Variants in COL11A1 observed in about 807,000 individuals in gnomAD.
The protein encoded by COL11A1 is collagen type XI alpha 1 chain.
In COL11A1, 74 loss-of-function variants were observed where a neutral mutation model predicts 265.2. That is an observed-to-expected ratio of 0.28 (90% CI 0.23 to 0.34). The LOEUF is 0.34. COL11A1 is among the 10% of genes least tolerant of loss of function. The probability of loss-of-function intolerance (pLI) is 1.00; values close to 1 mark genes in which losing one functional copy is unlikely to be tolerated. For missense variants in COL11A1, 2,165 were observed against 2,263.6 expected, an observed-to-expected ratio of 0.96 and a Z score of 0.88; for synonymous variants, 816 against 727.6, an observed-to-expected ratio of 1.12 and a Z score of -1.96.
intron 36 of COL11A1, among the ~76,000 whole-genome samples, chr1:102,973,315 C>A (rs1662148003): frequency 6.6e-6 from 1 of 152,074 alleles, no homozygotes; most frequent in Admixed American, 6.6e-5. Flanking sequence ...CTCTTACAGA[C>A]AAAATGCATG....
intron 1 of COL11A1, among the ~76,000 whole-genome samples, chr1:103,092,433 T>C (rs948756111): frequency 1.3e-5 from 2 of 152,052 alleles, no homozygotes; most frequent in Admixed American, 6.6e-5. Context: ...AAATAAAGTA[T>C]AAAAAGTCAA....
chr1:102,995,400 T>C (rs148462678), intron 28 of COL11A1, among the ~76,000 whole-genome samples: 2,088 of 152,224 alleles, frequency 0.014, 39 homozygotes, highest in Non-Finnish European at 0.018. Context: ...TAATACTATA[T>C]AGAAAGACTT....
chr1:103,035,318 T>A (rs6674148), intron 4 of COL11A1, among the ~76,000 whole-genome samples: 142,258 of 151,956 alleles, frequency 0.94, 66,825 homozygotes, highest in East Asian at 1. Context: ...TGACATTTAA[T>A]TTCTTATTGC....
chr1:102,877,336 G>A lies in COL11A1; in HGVS notation c.*683C>T, dbSNP rs1170052701. On this transcript the variant is annotated 3_prime_UTR_variant, in exon 67 of 67. Transcript: ENST00000370096. Reference sequence around the variant, plus strand: ...CTGAAATTCAGCAAAATGACTGTCGGCAGAGAAGAGTTGATCAGAGTGTGC... The same window carrying A: ...CTGAAATTCAGCAAAATGACTGTCGACAGAGAAGAGTTGATCAGAGTGTGC... 4 of 152,510 alleles carry A rather than the reference G, an allele frequency of 2.6e-5. No individual in the cohort carries two copies. Among genetic ancestry groups the A allele is most frequent in the Non-Finnish European group, 5.9e-5 (4 of 67,996 alleles). The allele number at this position is 152,510 out of a possible 1,614,324, so 9.4% of individuals were successfully genotyped here. A position where few individuals can be genotyped will look rare whatever the true frequency, so the allele number is the denominator to read the frequency against.
intron 41 of COL11A1, among the ~76,000 whole-genome samples, chr1:102,951,689 G>A (rs896964190): frequency 6.6e-6 from 1 of 152,000 alleles, no homozygotes; most frequent in Non-Finnish European, 1.5e-5. Flanking sequence ...GCAGTGAGCC[G>A]ATATCGCGCC....
At chr1:102,940,231 C>T in intron 43 of COL11A1, 96 bp downstream of exon 43, 1 of 1,002,326 alleles carries the variant, frequency 1.0e-6, no homozygotes, top group Admixed American at 1.8e-5. Context: ...TAACCTTTCA[C>T]CTGGCGCCTA....
At chr1:102,935,901 C>T (rs1658091399) in intron 44 of COL11A1, among the ~76,000 whole-genome samples, 1 of 152,118 alleles carries the variant, frequency 6.6e-6, no homozygotes. Context: ...CTTCTCATAA[C>T]AACAGTAAGG....
intron 44 of COL11A1, among the ~76,000 whole-genome samples, chr1:102,936,549 G>T (rs567628454): frequency 5.3e-4 from 81 of 152,162 alleles, no homozygotes; most frequent in Non-Finnish European, 8.5e-4. Flanking sequence ...GCAAAAATTA[G>T]AATTTTGGAA....
In COL11A1 at chr1:102,879,872, T is replaced by C. The variant is rs140605061; in HGVS notation, c.5085A>G (p.Gln1695=). 2 of 1,613,808 alleles carry C rather than the reference T, an allele frequency of 1.2e-6. No homozygotes were observed. Among genetic ancestry groups the C allele is most frequent in the African/African-American group, 2.7e-5 (2 of 74,994 alleles). The change falls in exon 66 of 67, where the codon CAA becomes CAG. Residue 1695 remains glutamine (Q), a synonymous_variant. Transcript: ENST00000370096. The part of the protein sequence containing the change: ...DVEGNSINMV[Q]MTFLKLLTAS... ...CAGTCAGAAGTTTCAGGAATGTCAT[T>C]TGCACCATATTGATGGAATTTCCTT... is the stretch of plus-strand genomic sequence containing the variant.
intron 17 of COL11A1, 86 bp from the exon 18 acceptor site, chr1:103,005,977 C>A: frequency 4.3e-6 from 7 of 1,611,206 alleles, no homozygotes; most frequent in Non-Finnish European, 5.9e-6. Flanking sequence ...GCGAAATATT[C>A]TCTCAGATTC....
At chr1:102,918,379 C>A (rs1655594206) in intron 49 of COL11A1, among the ~76,000 whole-genome samples, 1 of 151,768 alleles carries the variant, frequency 6.6e-6, no homozygotes, top group African/African-American at 2.4e-5. Flanking sequence ...AGCAATTTTA[C>A]AGTACATGAA....
chr1:103,045,953 T>G (rs575132254), intron 4 of COL11A1, among the ~76,000 whole-genome samples: 28 of 149,344 alleles, frequency 1.9e-4, no homozygotes, highest in Non-Finnish European at 3.0e-4. Context: ...AACTCATCAT[T>G]TTTTTATGGC....
chr1:102,944,111 C>T (rs890331254), intron 42 of COL11A1, among the ~76,000 whole-genome samples: 9 of 152,094 alleles, frequency 5.9e-5, no homozygotes, highest in African/African-American at 2.4e-5. Flanking sequence ...AAGGGCTTGT[C>T]TTCCACAGGT....
chr1:102,929,566 G>T (rs948298856), intron 46 of COL11A1, among the ~76,000 whole-genome samples: 1 of 152,048 alleles, frequency 6.6e-6, no homozygotes, highest in Non-Finnish European at 1.5e-5. Context: ...GATTGACTTG[G>T]CAATGCGGGC....
chr1:103,003,954 T>C (rs1467545215), intron 20 of COL11A1, among the ~76,000 whole-genome samples: 1 of 152,132 alleles, frequency 6.6e-6, no homozygotes, highest in East Asian at 1.9e-4. Flanking sequence ...AAACCAAAAT[T>C]AGGAGGCCTA....
chr1:102,934,697 A>G, intron 45 of COL11A1, 141 bp from the exon 46 acceptor site: 1 of 709,738 alleles, frequency 1.4e-6, no homozygotes, highest in Non-Finnish European at 2.5e-6. Context: ...AATGCCCATT[A>G]TCTGCTCCAA....
intron 28 of COL11A1, among the ~76,000 whole-genome samples, chr1:102,995,331 C>A (rs1264871341): frequency 1.3e-5 from 2 of 151,778 alleles, no homozygotes; most frequent in Non-Finnish European, 2.9e-5. Flanking sequence ...TACATTTTTT[C>A]ATTCACTTCT....
chr1:102,925,013 A>G (rs980782118), intron 46 of COL11A1, among the ~76,000 whole-genome samples: 3 of 151,146 alleles, frequency 2.0e-5, no homozygotes, highest in African/African-American at 7.3e-5. Context: ...TATATATGCT[A>G]TACATAATTA....
Position 102,962,159 on chromosome 1 carries a change from A to G in COL11A1, c.3114+17T>C. ...AATTGGAATCACTTGCTTTATCTATATAGATATTGATTATACCTGAGCTCC... is the reference window on the plus strand; with the variant it reads ...AATTGGAATCACTTGCTTTATCTATGTAGATATTGATTATACCTGAGCTCC... On this transcript the variant is annotated intron_variant, in intron 40 of 66. Coordinates refer to ENST00000370096, the MANE Select transcript of COL11A1 (RefSeq NM_001854.4). 1.3e-6 allele frequency: 2 copies of G among 1,579,238 alleles called. No homozygotes were observed. The highest frequency in any genetic ancestry group is 1.1e-5 in the South Asian group (1 of 90,318).
Sources: allele counts gnomAD v4.1 joint callset (sites outside exome capture counted in the v4.1 genomes callset), GRCh38; gene constraint gnomAD v4.1.1; transcripts MANE v1.5; gene names NCBI Gene and HGNC (gene_info 2026-07-23, HGNC 2026-07-21).